Variants in MIS18A observed in about 807,000 individuals in gnomAD.
The protein encoded by MIS18A is MIS18 kinetochore protein A.
In MIS18A, 14 loss-of-function variants were observed where a neutral mutation model predicts 25.0. The ratio of observed to expected loss-of-function variants is 0.56; its 90% CI spans 0.37 to 0.88. The LOEUF (loss-of-function observed/expected upper bound fraction) is 0.88, where lower values mean the gene tolerates loss of function less well. Among genes scored for constraint, MIS18A ranks in the 40% least tolerant of loss-of-function variants. The probability of loss-of-function intolerance (pLI) is 0.00; values close to 1 mark genes in which losing one functional copy is unlikely to be tolerated. For missense variants in MIS18A, 292 were observed against 290.8 expected (o/e 1.00, Z -0.03); for synonymous variants, 134 against 118.6 (o/e 1.13, Z -0.84).
the MIS18A span, among the ~76,000 whole-genome samples, chr21:32,156,722 G>A: frequency 2.8e-4 from 42 of 152,102 alleles, no homozygotes; most frequent in African/African-American, 8.7e-4. Flanking sequence ...GGTTTCCAGC[G>A]GGGGGTTGCA....
chr21:32,228,397 C>T, the MIS18A span, among the ~76,000 whole-genome samples: 1 of 152,178 alleles, frequency 6.6e-6, no homozygotes, highest in Non-Finnish European at 1.5e-5. Flanking sequence ...ATTAATATCG[C>T]CTTTAATAGT....
chr21:32,178,236 T>A, the MIS18A span, among the ~76,000 whole-genome samples: 1 of 152,116 alleles, frequency 6.6e-6, no homozygotes, highest in Admixed American at 6.6e-5. Flanking sequence ...AATTTTTTTT[T>A]ATTCCTGGAA....
At chr21:32,169,381 T>C in the MIS18A span, among the ~76,000 whole-genome samples, 10 of 152,256 alleles carry the variant, frequency 6.6e-5, no homozygotes, top group Admixed American at 5.9e-4. Flanking sequence ...TGGGCATTTG[T>C]CAAAATCATC....
chr21:32,203,428 A>C, the MIS18A span, among the ~76,000 whole-genome samples: 140 of 151,848 alleles, frequency 9.2e-4, no homozygotes, highest in South Asian at 0.014. Context: ...GATGGGAGGA[A>C]TCAGTTTACA....
downstream of MIS18A, among the ~76,000 whole-genome samples, chr21:32,267,569 A>C (rs1220879742): frequency 6.6e-6 from 1 of 152,246 alleles, no homozygotes; most frequent in African/African-American, 2.4e-5. Flanking sequence ...TAGTATGAAC[A>C]GGGTATAAGG....
chr21:32,261,988 ACG>A, the MIS18A span, among the ~76,000 whole-genome samples: 1 of 152,220 alleles, frequency 6.6e-6, no homozygotes, highest in Non-Finnish European at 1.5e-5. Context: ...ATATTAACTG[ACG>A]CAATGTCCCT....
chr21:32,256,164 T>C, the MIS18A span, among the ~76,000 whole-genome samples: 2 of 152,196 alleles, frequency 1.3e-5, no homozygotes, highest in African/African-American at 4.8e-5. Context: ...CGTGTATTGC[T>C]GCTCAAACCT....
chr21:32,188,490 GAA>G, the MIS18A span, among the ~76,000 whole-genome samples: 4 of 152,164 alleles, frequency 2.6e-5, no homozygotes, highest in Admixed American at 2.6e-4. Flanking sequence ...TTGCACTGGA[GAA>G]AGACACTAAC....
At chr21:32,159,840 G>A in the MIS18A span, among the ~76,000 whole-genome samples, 2 of 152,220 alleles carry the variant, frequency 1.3e-5, no homozygotes, top group Non-Finnish European at 2.9e-5. Context: ...GAATGCTCAG[G>A]TGAAAGAAAA....
intron 1 of MIS18A, 36 bp downstream of exon 1, chr21:32,278,645 C>T: frequency 6.8e-7 from 1 of 1,468,766 alleles, no homozygotes; most frequent in East Asian, 2.5e-5. Context: ...AAGAAGGCGA[C>T]CCCACGCCCC....
At chr21:32,227,962 G>A in the MIS18A span, among the ~76,000 whole-genome samples, 2 of 152,170 alleles carry the variant, frequency 1.3e-5, no homozygotes, top group African/African-American at 2.4e-5. Flanking sequence ...CTCAGTAGAC[G>A]TGGAAAGCAT....
the MIS18A span, among the ~76,000 whole-genome samples, chr21:32,197,479 G>C: frequency 1.3e-5 from 2 of 152,214 alleles, no homozygotes; most frequent in Admixed American, 6.5e-5. Flanking sequence ...GATCCAAGAA[G>C]AAAGGTTTTT....
intron 2 of MIS18A, among the ~76,000 whole-genome samples, chr21:32,271,490 AT>A (rs1366747646): frequency 3.3e-5 from 5 of 152,268 alleles, no homozygotes; most frequent in Non-Finnish European, 7.3e-5. Flanking sequence ...ACAGCAACAT[AT>A]GGAACAAAGA....
the MIS18A span, among the ~76,000 whole-genome samples, chr21:32,213,928 C>T: frequency 2.0e-5 from 3 of 152,140 alleles, no homozygotes; most frequent in African/African-American, 4.8e-5. Context: ...TTGGGTAAAC[C>T]GGGATAATGA....
the MIS18A span, among the ~76,000 whole-genome samples, chr21:32,181,329 T>C: frequency 6.6e-6 from 1 of 152,182 alleles, no homozygotes; most frequent in African/African-American, 2.4e-5. Context: ...TAGTAGATCG[T>C]AGGACTCTTC....
At chr21:32,267,804 C>T (rs2031632531), downstream of MIS18A, among the ~76,000 whole-genome samples, 1 of 152,190 alleles carries the variant, frequency 6.6e-6, no homozygotes, top group East Asian at 1.9e-4. Flanking sequence ...TTGTTGCCAG[C>T]GGGTGTTGAC....
intron 2 of MIS18A, among the ~76,000 whole-genome samples, chr21:32,271,451 TTACAGA>T (rs936930097): frequency 6.6e-4 from 100 of 152,364 alleles, no homozygotes; most frequent in African/African-American, 2.4e-3. Flanking sequence ...CATTGTTTAC[TTACAGA>T]TACTGAGACA....
At chr21:32,162,663 A>C in the MIS18A span, among the ~76,000 whole-genome samples, 1 of 152,198 alleles carries the variant, frequency 6.6e-6, no homozygotes, top group Non-Finnish European at 1.5e-5. Context: ...TTTCCTATTC[A>C]TCTTTATACC....
chr21:32,194,664 TAA>T, the MIS18A span, among the ~76,000 whole-genome samples: 1 of 145,926 alleles, frequency 6.9e-6, no homozygotes, highest in African/African-American at 2.5e-5. Context: ...CGTCTCGAAT[TAA>T]AAAAAAAAAG....
Sources: allele counts gnomAD v4.1 joint callset (sites outside exome capture counted in the v4.1 genomes callset), GRCh38; gene constraint gnomAD v4.1.1; transcripts MANE v1.5; gene names NCBI Gene and HGNC (gene_info 2026-07-23, HGNC 2026-07-21).